The following SUSD6 variants were observed in gnomAD, a reference collection of about 807,000 sequenced individuals.
SUSD6 encodes sushi domain containing 6, also known as sushi domain-containing protein 6.
A neutral mutation model predicts 28.4 loss-of-function variants in SUSD6; 16 were observed. The observed-to-expected ratio is 0.56, with a 90% CI of 0.38 to 0.86. SUSD6 has a LOEUF of 0.86. SUSD6 is among the 40% of genes least tolerant of loss of function. SUSD6 has a pLI of 0.00. For synonymous variants in SUSD6, 147 were observed against 159.6 expected (o/e 0.92, Z 0.59); for missense variants, 341 against 384.2 (o/e 0.89, Z 0.94).
At chr14:69,624,744 C>T (rs192208426) in intron 1 of SUSD6, among the ~76,000 whole-genome samples, 141 of 152,230 alleles carry the variant, frequency 9.3e-4, no homozygotes, top group African/African-American at 2.7e-3. Context: ...CGTGAGCCAC[C>T]GTGCCTGGCC....
chr14:69,658,515 G>C lies in SUSD6; in HGVS notation c.-78G>C. 1 of 1,488,512 alleles carries C rather than the reference G, an allele frequency of 6.7e-7. No individual in the cohort carries two copies. Among genetic ancestry groups the C allele is most frequent in the Non-Finnish European group, 9.2e-7 (1 of 1,081,352 alleles). The allele number at this position is 1,488,512 out of a possible 1,614,324, so 92.2% of individuals were successfully genotyped here. ...ATGTCCTTGTTTGTTTGTTACAGGT[G>C]AATCAGCTCCCGGCCGACTTTAGGA... is the stretch of plus-strand genomic sequence containing the variant. On this transcript the variant is annotated splice_region_variant and 5_prime_UTR_variant, in exon 2 of 6. Coordinates refer to ENST00000342745, the MANE Select transcript of SUSD6 (RefSeq NM_014734.4).
chr14:69,623,956 A>G (rs372645923), intron 1 of SUSD6, among the ~76,000 whole-genome samples: 1 of 152,210 alleles, frequency 6.6e-6, no homozygotes, highest in African/African-American at 2.4e-5. Flanking sequence ...TAATTTATAG[A>G]AGAAAAAATT....
intron 2 of SUSD6, among the ~76,000 whole-genome samples, chr14:69,693,218 G>A (rs1174558360): frequency 6.6e-6 from 1 of 152,168 alleles, no homozygotes; most frequent in Non-Finnish European, 1.5e-5. Context: ...CCCTGTACCT[G>A]GAGCAGCAGG....
intron 2 of SUSD6, among the ~76,000 whole-genome samples, chr14:69,681,849 C>T (rs1049070900): frequency 3.3e-5 from 5 of 152,108 alleles, no homozygotes; most frequent in African/African-American, 4.8e-5. Flanking sequence ...AAAGGGCTTA[C>T]GGCTAAAGAA....
chr14:69,638,786 TAGGGAAGGCAAGAC>T (rs751214140), intron 1 of SUSD6, among the ~76,000 whole-genome samples: 146 of 152,232 alleles, frequency 9.6e-4, no homozygotes, highest in Admixed American at 2.2e-3. Flanking sequence ...AAGACTGACC[TAGGGAAGGCAAGAC>T]AGGGGCTAGT....
intron 2 of SUSD6, among the ~76,000 whole-genome samples, chr14:69,698,936 GTTCA>G (rs1035746816): frequency 1.3e-5 from 2 of 152,202 alleles, no homozygotes; most frequent in Non-Finnish European, 2.9e-5. Context: ...CATCAGGTGA[GTTCA>G]TTGTCTTCCC....
chr14:69,633,460 A>G (rs1039961739), intron 1 of SUSD6, among the ~76,000 whole-genome samples: 9 of 152,218 alleles, frequency 5.9e-5, no homozygotes, highest in Admixed American at 1.3e-4. Flanking sequence ...TTCCTGCCCC[A>G]GAAGGAATGT....
At chr14:69,697,933 C>T (rs754539956) in intron 2 of SUSD6, among the ~76,000 whole-genome samples, 10 of 152,180 alleles carry the variant, frequency 6.6e-5, no homozygotes, top group South Asian at 2.1e-4. Context: ...GTTCTGTTAC[C>T]GGAAAGAGGT....
At chr14:69,680,222 A>G (rs1885978357) in intron 2 of SUSD6, among the ~76,000 whole-genome samples, 1 of 152,134 alleles carries the variant, frequency 6.6e-6, no homozygotes, top group Non-Finnish European at 1.5e-5. Flanking sequence ...CCTAACCCAC[A>G]TGCCCCAGTT....
chr14:69,637,259 T>C (rs1461411314), intron 1 of SUSD6, among the ~76,000 whole-genome samples: 2 of 152,054 alleles, frequency 1.3e-5, no homozygotes, highest in African/African-American at 4.8e-5. Flanking sequence ...TGGGTGCCTC[T>C]CCTTGGTGCT....
chr14:69,667,638 C>T (rs1048799984), intron 2 of SUSD6, among the ~76,000 whole-genome samples: 1 of 151,972 alleles, frequency 6.6e-6, no homozygotes, highest in Admixed American at 6.6e-5. Context: ...CCGCCTCAGC[C>T]TCCCAAAGTG....
chr14:69,668,293 C>T (rs1457901293), intron 2 of SUSD6, among the ~76,000 whole-genome samples: 1 of 152,152 alleles, frequency 6.6e-6, no homozygotes, highest in African/African-American at 2.4e-5. Context: ...GTGAGGATTT[C>T]GAACCCAGTG....
At chr14:69,629,011 C>G (rs1233188579) in intron 1 of SUSD6, among the ~76,000 whole-genome samples, 4 of 151,982 alleles carry the variant, frequency 2.6e-5, no homozygotes, top group African/African-American at 9.7e-5. Flanking sequence ...TCGGTTCTGC[C>G]TATGGTTATT....
chr14:69,696,535 A>G (rs1013902154), intron 2 of SUSD6, among the ~76,000 whole-genome samples: 1 of 152,240 alleles, frequency 6.6e-6, no homozygotes, highest in African/African-American at 2.4e-5. Context: ...GCAAGCACAT[A>G]AATAGTGCTT....
chr14:69,667,339 C>CT (rs140311135), intron 2 of SUSD6, among the ~76,000 whole-genome samples: 4,795 of 151,180 alleles, frequency 0.032, 101 homozygotes, highest in Middle Eastern at 0.066. Flanking sequence ...ACTAAGGCTC[C>CT]TTGATAACTG....
intron 5 of SUSD6, among the ~76,000 whole-genome samples, chr14:69,709,481 G>A (rs1336817137): frequency 1.3e-5 from 2 of 152,236 alleles, no homozygotes; most frequent in Non-Finnish European, 2.9e-5. Context: ...ACAGAAAAAT[G>A]AGAGCCTCTC....
At chr14:69,616,857 T>G (rs1884967136) in intron 1 of SUSD6, among the ~76,000 whole-genome samples, 1 of 152,100 alleles carries the variant, frequency 6.6e-6, no homozygotes, top group Non-Finnish European at 1.5e-5. Flanking sequence ...AATTCAGTGG[T>G]TTTTAGTATA....
intron 2 of SUSD6, among the ~76,000 whole-genome samples, chr14:69,697,216 G>A (rs373838436): frequency 5.3e-5 from 8 of 152,254 alleles, no homozygotes; most frequent in African/African-American, 9.6e-5. Context: ...TGAGGACACC[G>A]GAGGTCACTT....
In SUSD6 at chr14:69,708,884, C is replaced by T; in HGVS notation, c.666C>T (p.Ala222=). The T allele has an allele frequency of 6.2e-7, 1 of 1,614,180 alleles. No individual in the cohort carries two copies. The highest frequency in any genetic ancestry group is 2.2e-5 in the East Asian group (1 of 44,878). ...PREQQLPDQG[A]CSSAGGEDEA... is the part of the protein sequence containing the mutation. Reference sequence around the variant, plus strand: ...AGCAACAGCTGCCGGACCAAGGGGCCTGCTCCTCTGCAGGTGGAGAAGATG... The same window carrying T: ...AGCAACAGCTGCCGGACCAAGGGGCTTGCTCCTCTGCAGGTGGAGAAGATG... Residue 222 remains alanine, a synonymous_variant, in exon 5 of 6, where the codon GCC becomes GCT. Transcript: ENST00000342745.
Sources: allele counts gnomAD v4.1 joint callset (sites outside exome capture counted in the v4.1 genomes callset), GRCh38; gene constraint gnomAD v4.1.1; transcripts MANE v1.5; gene names NCBI Gene and HGNC (gene_info 2026-07-23, HGNC 2026-07-21).